The following SLC24A2 variants were observed in gnomAD, a reference collection of about 807,000 sequenced individuals.
SLC24A2 encodes the protein solute carrier family 24 member 2, also known as sodium/potassium/calcium exchanger 2.
A neutral mutation model predicts 62.0 loss-of-function variants in SLC24A2; 36 were observed. The ratio of observed to expected loss-of-function variants is 0.58; its 90% CI spans 0.44 to 0.77. The LOEUF is 0.77. Among genes scored for constraint, SLC24A2 ranks in the 30% least tolerant of loss-of-function variants. The pLI is 0.00. For synonymous variants in SLC24A2, 358 were observed against 294.0 expected, an observed-to-expected ratio of 1.22 and a Z score of -2.23; for missense variants, 846 against 817.9, an observed-to-expected ratio of 1.03 and a Z score of -0.42.
chr9:19,846,312 C>T, the SLC24A2 span, among the ~76,000 whole-genome samples: 3 of 152,138 alleles, frequency 2.0e-5, no homozygotes, highest in Non-Finnish European at 4.4e-5. Context: ...GTTAAGTCTT[C>T]TTGTTAAATA....
intron 4 of SLC24A2, among the ~76,000 whole-genome samples, chr9:19,612,710 T>C (rs982321265): frequency 2.0e-5 from 3 of 152,052 alleles, no homozygotes; most frequent in Admixed American, 1.3e-4. Context: ...CTCATAGTTC[T>C]TTATCAAAGA....
chr9:19,562,243 A>T (rs1276593880), intron 7 of SLC24A2, among the ~76,000 whole-genome samples: 1 of 152,236 alleles, frequency 6.6e-6, no homozygotes, highest in Non-Finnish European at 1.5e-5. Context: ...AACATAAAAA[A>T]TAATTCAAAA....
the SLC24A2 span, among the ~76,000 whole-genome samples, chr9:20,096,100 C>A: frequency 7.3e-6 from 1 of 137,822 alleles, no homozygotes; most frequent in African/African-American, 2.6e-5. Flanking sequence ...TCCGTCCGTC[C>A]GTCCGTCCGT....
chr9:20,161,110 T>G, the SLC24A2 span, among the ~76,000 whole-genome samples: 1 of 151,394 alleles, frequency 6.6e-6, no homozygotes, highest in Non-Finnish European at 1.5e-5. Context: ...TTATATACAC[T>G]TCTATACAAT....
At chr9:19,884,903 C>A in the SLC24A2 span, among the ~76,000 whole-genome samples, 1 of 152,134 alleles carries the variant, frequency 6.6e-6, no homozygotes, top group Non-Finnish European at 1.5e-5. Context: ...ACATTTTTGA[C>A]TTAGGATTTT....
At chr9:19,760,709 T>A (rs1822294778) in intron 2 of SLC24A2, among the ~76,000 whole-genome samples, 1 of 152,176 alleles carries the variant, frequency 6.6e-6, no homozygotes, top group South Asian at 2.1e-4. Flanking sequence ...GTCTTTTTTA[T>A]GGCTGCATAG....
At chr9:19,977,267 G>A in the SLC24A2 span, among the ~76,000 whole-genome samples, 1 of 151,986 alleles carries the variant, frequency 6.6e-6, no homozygotes, top group East Asian at 1.9e-4. Context: ...TTGTATGTTT[G>A]AAATTACATA....
At chr9:19,989,342 A>G in the SLC24A2 span, among the ~76,000 whole-genome samples, 1 of 152,146 alleles carries the variant, frequency 6.6e-6, no homozygotes, top group Non-Finnish European at 1.5e-5. Context: ...TAATACTACA[A>G]TGAGAATGAG....
At chr9:20,162,038 C>G in the SLC24A2 span, among the ~76,000 whole-genome samples, 1 of 151,612 alleles carries the variant, frequency 6.6e-6, no homozygotes, top group Non-Finnish European at 1.5e-5. Context: ...TCTGGAGAAT[C>G]AATGATAAAA....
chr9:19,760,159 T>C (rs1262956057), intron 2 of SLC24A2, among the ~76,000 whole-genome samples: 1 of 152,056 alleles, frequency 6.6e-6, no homozygotes, highest in Non-Finnish European at 1.5e-5. Flanking sequence ...CATTCACCCA[T>C]TACCTGTAGC....
At chr9:19,887,533 TA>T in the SLC24A2 span, among the ~76,000 whole-genome samples, 1 of 151,812 alleles carries the variant, frequency 6.6e-6, no homozygotes, top group Non-Finnish European at 1.5e-5. Flanking sequence ...ATGGCTGTAA[TA>T]AAAAAATAAA....
chr9:20,002,871 T>A, the SLC24A2 span, among the ~76,000 whole-genome samples: 1 of 152,208 alleles, frequency 6.6e-6, no homozygotes, highest in Non-Finnish European at 1.5e-5. Context: ...AGCTGTAGCC[T>A]CCACACACAT....
chr9:19,625,389 C>T lies in SLC24A2; in HGVS notation c.931-3090G>A, dbSNP rs1818007596. Among the ~76,000 whole-genome samples the T allele has an allele frequency of 3.3e-5, 5 of 152,236 alleles. No homozygotes were observed. The South Asian group carries it at 1.0e-3, about 32-fold the overall frequency. Reference sequence around the variant, plus strand: ...CTGTTAAGCCAATCTATAGTACACACACAACTATTCTTTGAGGATTGTTTA... The same window carrying T: ...CTGTTAAGCCAATCTATAGTACACATACAACTATTCTTTGAGGATTGTTTA... On this transcript the variant is annotated intron_variant, in intron 2 of 10. Transcript: ENST00000341998.
At chr9:19,931,864 A>G in the SLC24A2 span, among the ~76,000 whole-genome samples, 5 of 152,216 alleles carry the variant, frequency 3.3e-5, no homozygotes, top group Admixed American at 1.3e-4. Flanking sequence ...AAGAAATAAA[A>G]TATTGAGTTG....
chr9:19,834,313 G>T, the SLC24A2 span, among the ~76,000 whole-genome samples: 1 of 148,010 alleles, frequency 6.8e-6, no homozygotes, highest in African/African-American at 2.6e-5. Flanking sequence ...TGGCAAAGAA[G>T]TTAAAAACTT....
chr9:19,586,742 G>A (rs1836384103), intron 5 of SLC24A2, among the ~76,000 whole-genome samples: 1 of 152,094 alleles, frequency 6.6e-6, no homozygotes, highest in Non-Finnish European at 1.5e-5. Context: ...CAGTGCTTGA[G>A]AGCTGATGTT....
intron 10 of SLC24A2, 143 bp from the exon 11 acceptor site, chr9:19,516,545 G>T: frequency 9.7e-7 from 1 of 1,026,606 alleles, no homozygotes; most frequent in Non-Finnish European, 1.4e-6. Context: ...ACTATGACTC[G>T]GGCATGGTTG....
chr9:19,686,744 T>A (rs376479137), intron 2 of SLC24A2, among the ~76,000 whole-genome samples: 2 of 152,274 alleles, frequency 1.3e-5, no homozygotes, highest in Admixed American at 1.3e-4. Context: ...CATGCTGAAC[T>A]GTGAGTCAAT....
Position 19,601,952 on chromosome 9 carries a change from G to A in SLC24A2, c.1079-4673C>T, listed in dbSNP as rs575635547. Among the ~76,000 whole-genome samples the A allele has an allele frequency of 7.2e-5, 11 of 152,236 alleles. No homozygotes were observed. The South Asian group carries it at 2.3e-3, about 32-fold the overall frequency. On this transcript the variant is annotated intron_variant, in intron 4 of 10. Coordinates refer to ENST00000341998, the MANE Select transcript of SLC24A2 (RefSeq NM_020344.4). Reference sequence around the variant, plus strand: ...TATTATGACTTTAGTGCATCAGTTGGTTTTCCTTCAAATTAGGAAGCTCCC... The same window carrying A: ...TATTATGACTTTAGTGCATCAGTTGATTTTCCTTCAAATTAGGAAGCTCCC...
Sources: gnomAD v4.1 joint callset for allele counts (sites outside exome capture counted in the v4.1 genomes callset) on GRCh38, gnomAD v4.1.1 for gene constraint, MANE v1.5 for transcripts, NCBI Gene and HGNC (gene_info 2026-07-23, HGNC 2026-07-21) for gene names.